The following GALNT12 variants were observed in gnomAD, a reference collection of about 807,000 sequenced individuals.
GALNT12 encodes the protein polypeptide N-acetylgalactosaminyltransferase 12.
In GALNT12, 45 loss-of-function variants were observed where a neutral mutation model predicts 55.5. The ratio of observed to expected loss-of-function variants is 0.81; its 90% CI spans 0.64 to 1.04. GALNT12 has a LOEUF of 1.04. Among genes scored for constraint, GALNT12 ranks in the 50% least tolerant of loss-of-function variants. The pLI is 0.00. For missense variants in GALNT12, 709 were observed against 754.8 expected, an observed-to-expected ratio of 0.94 and a Z score of 0.71; for synonymous variants, 304 against 312.2, an observed-to-expected ratio of 0.97 and a Z score of 0.28.
chr9:98,826,015 A>T (rs970486160), intron 2 of GALNT12, among the ~76,000 whole-genome samples: 2 of 151,576 alleles, frequency 1.3e-5, no homozygotes, highest in East Asian at 1.9e-4. Context: ...TTATTTATTG[A>T]TTTATTTATA....
chr9:98,829,147 T>C (rs1332165120), intron 3 of GALNT12, among the ~76,000 whole-genome samples: 1 of 142,666 alleles, frequency 7.0e-6, no homozygotes, highest in African/African-American at 2.6e-5. Flanking sequence ...CTCTTAGTAA[T>C]TTTTTTTATC....
chr9:98,824,375 G>A lies in GALNT12; in HGVS notation c.541+950G>A, dbSNP rs576823946. Among the ~76,000 whole-genome samples the A allele has an allele frequency of 3.3e-5, 5 of 152,158 alleles. No homozygotes were observed. In the South Asian group the frequency reaches 1.0e-3, roughly 32 times the overall value. ...TGGTTTTTCACCTCCTACTCACTCT[G>A]GTCAACCAGAAGACTTAAAGGGGAA... is the stretch of plus-strand genomic sequence containing the variant. On this transcript the variant is annotated intron_variant, in intron 2 of 9. Transcript: ENST00000375011.
chr9:98,831,690 G>T lies in GALNT12; in HGVS notation c.732-82G>T, dbSNP rs535400357. On this transcript the variant is annotated intron_variant, in intron 3 of 9. Transcript: ENST00000375011. ...CTCCCTCTTATTGGAAGGAAGACAA[G>T]AATTCACCCTTGAATTTCCCAATTG... The T allele has an allele frequency of 3.4e-6, 5 of 1,464,284 alleles. No homozygotes were observed. In the South Asian group the frequency reaches 4.7e-5, roughly 14 times the overall value. 90.7% of individuals were successfully genotyped at this position (1,464,284 alleles called of 1,614,324 possible). A position where few individuals can be genotyped will look rare whatever the true frequency, so the allele number is the denominator to read the frequency against.
At chr9:98,831,586 C>T (rs967822618) in intron 3 of GALNT12, among the ~76,000 whole-genome samples, 186 bp from the exon 4 acceptor site, 6 of 152,250 alleles carry the variant, frequency 3.9e-5, no homozygotes, top group African/African-American at 1.2e-4. Flanking sequence ...CCAGATCTCC[C>T]CCATGGTGGT....
intron 1 of GALNT12, among the ~76,000 whole-genome samples, chr9:98,813,379 A>G (rs867582529): frequency 2.0e-5 from 3 of 152,194 alleles, no homozygotes; most frequent in Admixed American, 1.3e-4. Flanking sequence ...TAAGCATATT[A>G]AGCATACTTA....
At chr9:98,846,917 A>G (rs10987953) in intron 9 of GALNT12, among the ~76,000 whole-genome samples, 5,037 of 151,814 alleles carry the variant, frequency 0.033, 209 homozygotes, top group East Asian at 0.14. Flanking sequence ...GATTAGATGC[A>G]TAGCCAGAAA....
At chr9:98,841,664 G>A (rs1325386216) in intron 7 of GALNT12, among the ~76,000 whole-genome samples, 1 of 151,626 alleles carries the variant, frequency 6.6e-6, no homozygotes, top group African/African-American at 2.4e-5. Context: ...GAAAAGGCAC[G>A]ACAAATTCTT....
chr9:98,827,882 C>G (rs908865379), intron 3 of GALNT12, among the ~76,000 whole-genome samples: 101 of 152,302 alleles, frequency 6.6e-4, no homozygotes, highest in Admixed American at 6.5e-3. Context: ...CCTTGCTGTT[C>G]CACGGCATCT....
At chr9:98,826,665 C>T (rs978396495) in intron 2 of GALNT12, 87 bp from the exon 3 acceptor site, 2 of 1,283,096 alleles carry the variant, frequency 1.6e-6, no homozygotes, top group Admixed American at 3.9e-5. Flanking sequence ...CTGTTTGGGA[C>T]AGGGAGGCCC....
Position 98,807,693 on chromosome 9 carries a change from G to T in GALNT12, c.-6G>T, listed in dbSNP as rs1057388502. 5 of 1,137,384 alleles carry T rather than the reference G, an allele frequency of 4.4e-6. No homozygotes were observed. Among genetic ancestry groups the T allele is most frequent in the Non-Finnish European group, 5.4e-6 (5 of 929,844 alleles). The allele number at this position is 1,137,384 out of a possible 1,614,324, so 70.5% of individuals were successfully genotyped here. On this transcript the variant is annotated 5_prime_UTR_variant, in exon 1 of 10. Transcript: ENST00000375011. Reference sequence around the variant, plus strand: ...GCGCAGATCGCTGGCTGCAGTTGGCGGGCGCATGTGGGGGCGCACGGCGCG... The same window carrying T: ...GCGCAGATCGCTGGCTGCAGTTGGCTGGCGCATGTGGGGGCGCACGGCGCG...
chr9:98,818,253 C>T (rs117443330), intron 1 of GALNT12, among the ~76,000 whole-genome samples: 2,781 of 151,510 alleles, frequency 0.018, 68 homozygotes, highest in Admixed American at 0.081. Context: ...GACGAAGTCT[C>T]GCTCTGTTGC....
rs1324914435 is a variant in GALNT12, at chr9:98,849,216, T to G, written c.*124T>G. 2 of 916,898 alleles carry G rather than the reference T, an allele frequency of 2.2e-6. No individual in the cohort carries two copies. Among genetic ancestry groups the G allele is most frequent in the Admixed American group, 4.0e-5 (2 of 49,558 alleles). The allele number at this position is 916,898 out of a possible 1,614,324, so 56.8% of individuals were successfully genotyped here. A position where few individuals can be genotyped will look rare whatever the true frequency, so the allele number is the denominator to read the frequency against. The stretch of plus-strand genomic sequence containing the variant: ...AGGCTGCATTGCTTTGAAGAGGCAA[T>G]CATTTTGCCATTTGTGAAAGTTGTG... On this transcript the variant is annotated 3_prime_UTR_variant, in exon 10 of 10. Coordinates refer to ENST00000375011, the MANE Select transcript of GALNT12 (RefSeq NM_024642.5).
chr9:98,823,039 A>C (rs1443168333), intron 1 of GALNT12, among the ~76,000 whole-genome samples: 1 of 152,192 alleles, frequency 6.6e-6, no homozygotes, highest in Non-Finnish European at 1.5e-5. Context: ...GACAGCTTAA[A>C]ACAATATCCC....
At chr9:98,835,168 G>A in intron 4 of GALNT12, 81 bp from the exon 5 acceptor site, 1 of 939,840 alleles carries the variant, frequency 1.1e-6, no homozygotes, top group Non-Finnish European at 1.8e-6. Context: ...CAGATGAAAG[G>A]GCTCGTGGTG....
intron 1 of GALNT12, among the ~76,000 whole-genome samples, chr9:98,814,158 G>A (rs542382438): frequency 1.3e-5 from 2 of 152,240 alleles, no homozygotes; most frequent in African/African-American, 4.8e-5. Flanking sequence ...AGGGGTGTGT[G>A]TCTGTGTGTC....
chr9:98,844,487 A>G (rs1836368179), intron 8 of GALNT12: 4 of 420,514 alleles, frequency 9.5e-6, no homozygotes, highest in Non-Finnish European at 1.8e-5. Context: ...TTCTTATGTT[A>G]TTAGATACCC....
At chr9:98,847,767 T>C (rs868172998) in intron 9 of GALNT12, among the ~76,000 whole-genome samples, 19 of 151,764 alleles carry the variant, frequency 1.3e-4, no homozygotes, top group Middle Eastern at 3.4e-3. Flanking sequence ...TCCCCACTTA[T>C]ATTCACTAGA....
At chr9:98,808,368 G>A (rs1230410472) in intron 1 of GALNT12, among the ~76,000 whole-genome samples, 1 of 152,148 alleles carries the variant, frequency 6.6e-6, no homozygotes, top group Non-Finnish European at 1.5e-5. Flanking sequence ...AAGCAGAAGG[G>A]TTTAAGGCGA....
rs532965637 is a variant in GALNT12, at chr9:98,849,971, G to T, written c.*879G>T. 2.1e-4 allele frequency: 45 copies of T among 215,982 alleles called. No individual in the cohort carries two copies. Among genetic ancestry groups the T allele is most frequent in the African/African-American group, 9.4e-4 (42 of 44,520 alleles). The allele number at this position is 215,982 out of a possible 1,614,324, so 13.4% of individuals were successfully genotyped here. On this transcript the variant is annotated 3_prime_UTR_variant, in exon 10 of 10. Transcript: ENST00000375011. ...TAGAGTTTGTGCTGCTGCAACTGCT[G>T]TGAAAATTTCTCTGAGTAATTCTGA...
Sources: gnomAD v4.1 joint callset for allele counts (sites outside exome capture counted in the v4.1 genomes callset) on GRCh38, gnomAD v4.1.1 for gene constraint, MANE v1.5 for transcripts, NCBI Gene and HGNC (gene_info 2026-07-23, HGNC 2026-07-21) for gene names.